Variants in CPXM2 observed in about 807,000 individuals in gnomAD.
The protein encoded by CPXM2 is inactive carboxypeptidase-like protein X2.
A neutral mutation model predicts 86.1 loss-of-function variants in CPXM2; 66 were observed. That is an observed-to-expected ratio of 0.77 (90% CI 0.63 to 0.94). The LOEUF is 0.94. CPXM2 is among the 40% of genes least tolerant of loss of function. The pLI, the probability that CPXM2 is intolerant of heterozygous loss-of-function variation, is 0.00. For synonymous variants in CPXM2, 388 were observed against 400.2 expected (o/e 0.97, Z 0.36); for missense variants, 948 against 1,026.3 (o/e 0.92, Z 1.04).
At chr10:123,765,046 T>C (rs1268999358) in intron 10 of CPXM2, among the ~76,000 whole-genome samples, 2 of 152,202 alleles carry the variant, frequency 1.3e-5, no homozygotes, top group African/African-American at 4.8e-5. Context: ...AGGTTTTCAT[T>C]AATCTTATTA....
chr10:123,784,701 T>A (rs1025645451), intron 6 of CPXM2, among the ~76,000 whole-genome samples: 1 of 152,208 alleles, frequency 6.6e-6, no homozygotes, highest in African/African-American at 2.4e-5. Flanking sequence ...GCTCACTCCC[T>A]CACGAAGCAG....
intron 4 of CPXM2, 152 bp from the exon 5 acceptor site, chr10:123,799,351 C>T (rs1485369655): frequency 9.2e-6 from 7 of 759,192 alleles, no homozygotes; most frequent in Non-Finnish European, 1.5e-5. Flanking sequence ...TGACCTCAGT[C>T]AGGTAACTAA....
chr10:123,773,975 C>T (rs186946825), intron 7 of CPXM2, among the ~76,000 whole-genome samples: 1 of 152,310 alleles, frequency 6.6e-6, no homozygotes, highest in East Asian at 1.9e-4. Context: ...GAATGAGTAT[C>T]TGTGAGTTCA....
In CPXM2 at chr10:123,891,446, G is replaced by A. The variant is rs962374194; in HGVS notation, c.214C>T (p.Arg72Cys). The change falls in exon 1 of 14, where the codon CGC becomes TGC. Residue 72 changes from arginine (R) to cysteine (C), a missense_variant. By Grantham distance (180) the Arg-to-Cys change is radical. Transcript: ENST00000241305. This position sits in a 1 kb window ranked among gnomAD's most constrained non-coding sequence, Gnocchi z 5.6. ...TTGGGCGGCCTGGGCTCCTGCGGGC[G>A]CCGCTCCCACTCCTCCCCGGGCCCC... is the stretch of plus-strand genomic sequence containing the variant. ...PAGPGEEWERRPQEPRPPKRA... is the reference protein window; with the variant it reads ...PAGPGEEWERCPQEPRPPKRA... The A allele has an allele frequency of 2.6e-6, 4 of 1,553,060 alleles. No homozygotes were observed. Among genetic ancestry groups the A allele is most frequent in the African/African-American group, 2.7e-5 (2 of 72,830 alleles).
intron 7 of CPXM2, among the ~76,000 whole-genome samples, chr10:123,772,019 T>A (rs571423474): frequency 6.6e-6 from 1 of 152,328 alleles, no homozygotes; most frequent in African/African-American, 2.4e-5. Context: ...GAATACACCT[T>A]CCTTAGTTGT....
At chr10:123,916,379 T>C (rs944627526) in intron 2 of CPXM2, among the ~76,000 whole-genome samples, 8 of 152,194 alleles carry the variant, frequency 5.3e-5, no homozygotes, top group Non-Finnish European at 1.2e-4. Flanking sequence ...TCTGGGCTTC[T>C]GTGTCCAGGT....
chr10:123,795,007 T>A (rs1022792797), intron 6 of CPXM2, among the ~76,000 whole-genome samples: 1 of 152,212 alleles, frequency 6.6e-6, no homozygotes, highest in Non-Finnish European at 1.5e-5. Context: ...TGACCTCAAG[T>A]GATCCACCTG....
At chr10:123,788,831 T>C (rs111375660) in intron 6 of CPXM2, among the ~76,000 whole-genome samples, 20 of 146,130 alleles carry the variant, frequency 1.4e-4, no homozygotes, top group African/African-American at 5.1e-4. Context: ...CGCCAAAGCG[T>C]ACACTTTAAA....
intron 2 of CPXM2, among the ~76,000 whole-genome samples, chr10:123,909,326 T>C (rs1945469560): frequency 6.6e-6 from 1 of 152,236 alleles, no homozygotes; most frequent in South Asian, 2.1e-4. Context: ...TCCTGAATCC[T>C]ATGTTTCTAT....
intron 2 of CPXM2, among the ~76,000 whole-genome samples, chr10:123,863,128 C>CTATTGTTT (rs1257932887): frequency 6.6e-6 from 1 of 152,170 alleles, no homozygotes; most frequent in African/African-American, 2.4e-5. Flanking sequence ...GAAAAAAAAC[C>CTATTGTTT]TATTGTTTTC....
chr10:123,922,138 C>G (rs895742872), intron 2 of CPXM2, among the ~76,000 whole-genome samples: 37 of 152,182 alleles, frequency 2.4e-4, no homozygotes, highest in African/African-American at 8.7e-4. Flanking sequence ...GACCTCTACC[C>G]CGTAGATACC....
chr10:123,888,139 T>C (rs767075229), intron 1 of CPXM2, among the ~76,000 whole-genome samples: 3 of 152,176 alleles, frequency 2.0e-5, no homozygotes, highest in Non-Finnish European at 2.9e-5. Flanking sequence ...CCTTGGCTCC[T>C]TGCATAAACC....
At chr10:123,771,148 C>T (rs573954861) in intron 7 of CPXM2, 109 bp from the exon 8 acceptor site, 19 of 990,184 alleles carry the variant, frequency 1.9e-5, no homozygotes, top group Middle Eastern at 4.3e-4. Flanking sequence ...GCCTCCCAAG[C>T]GCCCCCACAT....
At chr10:123,822,476 T>C (rs144129782) in intron 4 of CPXM2, among the ~76,000 whole-genome samples, 1 of 152,208 alleles carries the variant, frequency 6.6e-6, no homozygotes, top group African/African-American at 2.4e-5. Context: ...AATTAATGAA[T>C]GAACTGCAAT....
At chr10:123,753,116 G>A (rs1333341658) in intron 13 of CPXM2, among the ~76,000 whole-genome samples, 1 of 152,076 alleles carries the variant, frequency 6.6e-6, no homozygotes, top group Non-Finnish European at 1.5e-5. Flanking sequence ...AAGGGAGGAG[G>A]CAGGAACCCA....
chr10:123,909,459 A>C (rs1945471150), intron 2 of CPXM2, among the ~76,000 whole-genome samples: 1 of 152,222 alleles, frequency 6.6e-6, no homozygotes, highest in Non-Finnish European at 1.5e-5. Context: ...TGTATAATTT[A>C]TATTCCACAA....
intron 4 of CPXM2, among the ~76,000 whole-genome samples, chr10:123,812,164 A>G (rs1847707678): frequency 6.6e-6 from 1 of 152,200 alleles, no homozygotes; most frequent in African/African-American, 2.4e-5. Flanking sequence ...AATAATGACA[A>G]CAGCAACAAT....
chr10:123,921,297 G>A (rs1190901207), intron 2 of CPXM2, among the ~76,000 whole-genome samples: 1 of 152,006 alleles, frequency 6.6e-6, no homozygotes, highest in Non-Finnish European at 1.5e-5. Flanking sequence ...TTTAAAAAAA[G>A]CATCTAAAGT....
intron 7 of CPXM2, 63 bp from the exon 8 acceptor site, chr10:123,771,102 TC>T: frequency 1.3e-6 from 2 of 1,541,560 alleles, no homozygotes; most frequent in South Asian, 1.2e-5. Context: ...AGGACAGAGC[TC>T]CCAAGAAAAC....
Sources: allele counts gnomAD v4.1 joint callset (sites outside exome capture counted in the v4.1 genomes callset), GRCh38; gene constraint gnomAD v4.1.1; non-coding constraint Gnocchi (gnomAD v3.1); transcripts MANE v1.5; gene names NCBI Gene and HGNC (gene_info 2026-07-23, HGNC 2026-07-21).